Variants in PAK4 observed in about 807,000 individuals in gnomAD.
PAK4 encodes serine/threonine-protein kinase PAK 4.
Under a neutral mutation model 53.5 loss-of-function variants are expected in PAK4, and 49 were observed. The ratio of observed to expected loss-of-function variants is 0.92; its 90% CI spans 0.73 to 1.16. The LOEUF is 1.16. PAK4 is among the 50% of genes most tolerant of loss of function. The pLI, the probability that PAK4 is intolerant of heterozygous loss-of-function variation, is 0.00. For missense variants in PAK4, 824 were observed against 850.7 expected (o/e 0.97, Z 0.39); for synonymous variants, 376 against 375.6 (o/e 1.00, Z -0.01).
intron 1 of PAK4, among the ~76,000 whole-genome samples, chr19:39,129,606 A>G (rs1483630297): frequency 1.3e-5 from 2 of 152,084 alleles, no homozygotes; most frequent in Non-Finnish European, 2.9e-5. Flanking sequence ...CGGCCGTGAC[A>G]TGGGAGGTTT....
chr19:39,162,262 GTTATTC>G (rs1449022334), intron 1 of PAK4, among the ~76,000 whole-genome samples: 1 of 151,776 alleles, frequency 6.6e-6, no homozygotes, highest in Non-Finnish European at 1.5e-5. Context: ...CACCCAGCCT[GTTATTC>G]TTATTTTTGA....
At chr19:39,139,739 G>T (rs1568500730) in intron 1 of PAK4, among the ~76,000 whole-genome samples, 1 of 152,228 alleles carries the variant, frequency 6.6e-6, no homozygotes, top group East Asian at 1.9e-4. Flanking sequence ...TGCGCCTTAG[G>T]GTCACCCGGG....
In PAK4 at chr19:39,175,472, A is replaced by G. The variant is rs10417035; in HGVS notation, c.1359+34A>G. 0.034 allele frequency: 53,395 copies of G among 1,574,336 alleles called. 4,798 individuals carry two copies. Among genetic ancestry groups the G allele is most frequent in the African/African-American group, 0.34 (24,665 of 73,582 alleles). ...ACGGGCGGCGGGGTACGGGGGCGGC[A>G]GGTTTCCGGCTGCGGGGCTTCCCTG... is the stretch of plus-strand genomic sequence containing the variant. On this transcript the variant is annotated intron_variant, in intron 6 of 8. Coordinates refer to ENST00000358301, the Ensembl canonical transcript of PAK4. This position sits in a 1 kb window ranked among gnomAD's most constrained non-coding sequence, Gnocchi z 4.7.
intron 1 of PAK4, among the ~76,000 whole-genome samples, chr19:39,140,606 A>G (rs761167059): frequency 6.6e-6 from 1 of 152,200 alleles, no homozygotes; most frequent in Non-Finnish European, 1.5e-5. Flanking sequence ...ATTACATTGC[A>G]AGAGCCTTTA....
chr19:39,157,467 A>T (rs2144749674), intron 1 of PAK4, among the ~76,000 whole-genome samples: 1 of 152,176 alleles, frequency 6.6e-6, no homozygotes, highest in South Asian at 2.1e-4. Flanking sequence ...TCTGGGGCCC[A>T]TGTGCAGGCT....
chr19:39,169,237 C>T (rs2074429471), intron 1 of PAK4, among the ~76,000 whole-genome samples: 1 of 151,104 alleles, frequency 6.6e-6, no homozygotes, highest in African/African-American at 2.4e-5. Flanking sequence ...TGCAAAGGCT[C>T]TGAGGTCTCC....
rs551335382 is a variant in PAK4, at chr19:39,158,401, G to T, written c.-22-11131G>T. ...GGAGGTAGACAGTGAGAGGGCTTGG[G>T]TGCTGGAGCCTGAGAGGGGCAGGGC... On this transcript the variant is annotated intron_variant, in intron 1 of 8. Transcript: ENST00000358301. 2.8e-4 allele frequency among the ~76,000 whole-genome samples: 42 copies of T among 152,298 alleles called. No homozygotes were observed. The South Asian group carries it at 8.5e-3, about 31-fold the overall frequency.
intron 2 of PAK4, among the ~76,000 whole-genome samples, chr19:39,171,890 G>C (rs916309080): frequency 6.6e-6 from 1 of 152,248 alleles, no homozygotes; most frequent in African/African-American, 2.4e-5. Context: ...CTGTGCGCCA[G>C]ATGCTGGTCT....
chr19:39,130,575 G>C (rs73044471), intron 1 of PAK4, among the ~76,000 whole-genome samples: 2,967 of 152,206 alleles, frequency 0.019, 42 homozygotes, highest in Non-Finnish European at 0.03. Context: ...AGGATCATCA[G>C]ATAGGCCGGT....
At chr19:39,158,180 CAT>C (rs909575939) in intron 1 of PAK4, among the ~76,000 whole-genome samples, 8 of 147,886 alleles carry the variant, frequency 5.4e-5, no homozygotes, top group Middle Eastern at 3.5e-3. Context: ...TGTGAGTGTG[CAT>C]GTGTGTGAGC....
chr19:39,157,837 G>A (rs1458893409), intron 1 of PAK4, among the ~76,000 whole-genome samples: 1 of 152,246 alleles, frequency 6.6e-6, no homozygotes, highest in Non-Finnish European at 1.5e-5. Flanking sequence ...TGGCCCGGGA[G>A]CTTTCCATGT....
chr19:39,127,241 C>G (rs1171987299), intron 1 of PAK4, among the ~76,000 whole-genome samples: 1 of 151,940 alleles, frequency 6.6e-6, no homozygotes. Flanking sequence ...GGTCCTTAGT[C>G]ACTCCCACCT....
chr19:39,137,530 C>T (rs1390365056), intron 1 of PAK4, among the ~76,000 whole-genome samples: 2 of 152,128 alleles, frequency 1.3e-5, no homozygotes, highest in East Asian at 1.9e-4. Flanking sequence ...AAGTCCTTCG[C>T]CCATTTTGCA....
intron 7 of PAK4, 49 bp from the exon 9 acceptor site, chr19:39,177,626 C>T: frequency 6.3e-7 from 1 of 1,578,804 alleles, no homozygotes; most frequent in Non-Finnish European, 8.6e-7. Context: ...CTCCCCAGGA[C>T]CCACCATCCC....
intron 1 of PAK4, among the ~76,000 whole-genome samples, chr19:39,128,468 C>T (rs1227094207): frequency 6.6e-6 from 1 of 152,222 alleles, no homozygotes; most frequent in Non-Finnish European, 1.5e-5. Context: ...CCAGCTCACT[C>T]AGCATCTCAG....
Position 39,175,069 on chromosome 19 carries a change from T to A in PAK4, c.1232+5T>A, listed in dbSNP as rs1039846177. On this transcript the variant is annotated splice_donor_5th_base_variant and intron_variant, in intron 5 of 8. Transcript: ENST00000358301. This position sits in a 1 kb window ranked among gnomAD's most constrained non-coding sequence, Gnocchi z 4.7. ...CGACATCGTCACCCACACCAGGTAT[T>A]TCTGGGGCCTCAGACCCCTCCTGTG... 1.9e-6 allele frequency: 3 copies of A among 1,603,814 alleles called. No individual in the cohort carries two copies. Among genetic ancestry groups the A allele is most frequent in the Admixed American group, 3.4e-5 (2 of 59,458 alleles).
intron 1 of PAK4, among the ~76,000 whole-genome samples, chr19:39,126,676 T>A (rs899030908): frequency 2.0e-5 from 3 of 152,144 alleles, no homozygotes; most frequent in Non-Finnish European, 2.9e-5. Flanking sequence ...AGTTGTGCGC[T>A]GGGATTCTAA....
At chr19:39,132,007 G>A (rs1388894512) in intron 1 of PAK4, among the ~76,000 whole-genome samples, 1 of 152,126 alleles carries the variant, frequency 6.6e-6, no homozygotes, top group Non-Finnish European at 1.5e-5. Context: ...TGCGTTCGAT[G>A]GTTTCCGTCC....
chr19:39,178,779 G>A lies in PAK4; in HGVS notation c.*200G>A, dbSNP rs1019949867. The A allele has an allele frequency of 4.0e-6, 2 of 505,344 alleles. No homozygotes were observed. Among genetic ancestry groups the A allele is most frequent in the Non-Finnish European group, 7.0e-6 (2 of 286,928 alleles). 31.3% of individuals were successfully genotyped at this position (505,344 alleles called of 1,614,324 possible). ...GACTTTTAGAAAAACACAGGGACTCGTGGGAGCAAGCGAGGCTCCCAGGAC... is the reference window on the plus strand; with the variant it reads ...GACTTTTAGAAAAACACAGGGACTCATGGGAGCAAGCGAGGCTCCCAGGAC... On this transcript the variant is annotated 3_prime_UTR_variant, in exon 9 of 9. Coordinates refer to ENST00000358301, the Ensembl canonical transcript of PAK4. This position sits in a 1 kb window ranked among gnomAD's most constrained non-coding sequence, Gnocchi z 4.4.
Sources: gnomAD v4.1 joint callset for allele counts (sites outside exome capture counted in the v4.1 genomes callset) on GRCh38, gnomAD v4.1.1 for gene constraint, Gnocchi (gnomAD v3.1) non-coding constraint, MANE v1.5 for transcripts, NCBI Gene and HGNC (gene_info 2026-07-23, HGNC 2026-07-21) for gene names.